The following PCDH7 variants were observed in gnomAD, a reference collection of about 807,000 sequenced individuals.
PCDH7 encodes protocadherin 7, also known as protocadherin-7.
Under a neutral mutation model 58.9 loss-of-function variants are expected in PCDH7, and 17 were observed. That is an observed-to-expected ratio of 0.29 (90% CI 0.20 to 0.43). The LOEUF is 0.43. PCDH7 is among the 20% of genes least tolerant of loss of function. PCDH7 has a pLI of 1.00. For synonymous variants in PCDH7, 664 were observed against 616.4 expected, an observed-to-expected ratio of 1.08 and a Z score of -1.14; for missense variants, 1,274 against 1,441.0, an observed-to-expected ratio of 0.88 and a Z score of 1.88.
chr4:31,014,728 T>A (rs1013339460), intron 3 of PCDH7, among the ~76,000 whole-genome samples: 2 of 152,196 alleles, frequency 1.3e-5, no homozygotes, highest in African/African-American at 2.4e-5. Flanking sequence ...AATAATGTAC[T>A]TTTCTTAAAT....
chr4:30,727,174 A>G (rs2109232766), intron 1 of PCDH7, among the ~76,000 whole-genome samples: 1 of 151,988 alleles, frequency 6.6e-6, no homozygotes, highest in East Asian at 1.9e-4. Context: ...TTTTACATTC[A>G]TTTTATTTAT....
chr4:30,888,867 C>A (rs1738203166), intron 1 of PCDH7, among the ~76,000 whole-genome samples: 1 of 149,170 alleles, frequency 6.7e-6, no homozygotes, highest in African/African-American at 2.5e-5. Context: ...CATAGTAAAA[C>A]AAGTTTGTTA....
intron 3 of PCDH7, among the ~76,000 whole-genome samples, chr4:31,000,285 CT>C (rs1283486216): frequency 6.6e-6 from 1 of 152,018 alleles, no homozygotes; most frequent in Non-Finnish European, 1.5e-5. Context: ...GCTAGAAGAA[CT>C]TTTTTCATAT....
intron 1 of PCDH7, among the ~76,000 whole-genome samples, chr4:30,805,041 C>A (rs1246809612): frequency 6.6e-6 from 1 of 152,132 alleles, no homozygotes; most frequent in Non-Finnish European, 1.5e-5. Flanking sequence ...TTTTCTAAAT[C>A]TTGTCATTTG....
At chr4:31,095,750 A>G (rs1215077712) in intron 3 of PCDH7, among the ~76,000 whole-genome samples, 1 of 152,110 alleles carries the variant, frequency 6.6e-6, no homozygotes, top group East Asian at 1.9e-4. Context: ...AAAAATTAAG[A>G]AGTTCTATTC....
At chr4:30,727,302 C>G (rs947449943) in intron 1 of PCDH7, among the ~76,000 whole-genome samples, 8 of 151,882 alleles carry the variant, frequency 5.3e-5, no homozygotes, top group Middle Eastern at 3.4e-3. Flanking sequence ...AACCTAAGTC[C>G]TGTTGTTTTC....
chr4:30,852,766 A>G (rs1011678335), intron 1 of PCDH7, among the ~76,000 whole-genome samples: 1 of 144,402 alleles, frequency 6.9e-6, no homozygotes, highest in African/African-American at 2.6e-5. Context: ...AGGTTAAGCA[A>G]TTGGTAGAAA....
At chr4:31,092,950 G>A (rs1241635706) in intron 3 of PCDH7, among the ~76,000 whole-genome samples, 1 of 151,998 alleles carries the variant, frequency 6.6e-6, no homozygotes, top group Non-Finnish European at 1.5e-5. Context: ...CGAAAATATT[G>A]CATTCTGTCA....
rs761742098 is a variant in PCDH7 at position 30,799,956 on chromosome 4, C to T, written c.70+75360C>T. 7.9e-5 allele frequency among the ~76,000 whole-genome samples: 12 copies of T among 151,756 alleles called. No individual in the cohort carries two copies. In the South Asian group the frequency reaches 1.0e-3, roughly 13 times the overall value. On this transcript the variant is annotated intron_variant, in intron 1 of 3. Transcript: ENST00000509759. The stretch of plus-strand genomic sequence containing the variant: ...GCAACCTCCACCTGCCAGGTCCATG[C>T]GATTCTTCCGCCTCAGCCTCCTGAG...
At chr4:31,056,641 A>G (rs1757276942) in intron 3 of PCDH7, among the ~76,000 whole-genome samples, 1 of 148,434 alleles carries the variant, frequency 6.7e-6, no homozygotes, top group African/African-American at 2.5e-5. Context: ...GAGAGGAGAG[A>G]GAGAGAGAAA....
intron 3 of PCDH7, among the ~76,000 whole-genome samples, chr4:31,008,561 G>C (rs932907614): frequency 1.3e-5 from 2 of 151,944 alleles, no homozygotes; most frequent in Admixed American, 1.3e-4. Flanking sequence ...GAATATTAGT[G>C]TTTCTTTCTC....
At chr4:31,063,249 T>A (rs1342035001) in intron 3 of PCDH7, among the ~76,000 whole-genome samples, 1 of 151,880 alleles carries the variant, frequency 6.6e-6, no homozygotes, top group African/African-American at 2.4e-5. Context: ...GCCCTTTCCA[T>A]CAAAAAGCTT....
chr4:30,744,401 A>G (rs755691197), intron 1 of PCDH7, among the ~76,000 whole-genome samples: 3 of 152,214 alleles, frequency 2.0e-5, no homozygotes, highest in Non-Finnish European at 2.9e-5. Flanking sequence ...AGGTGGGACC[A>G]TAAGTAAGAC....
At chr4:31,115,670 G>A (rs1356089299) in intron 3 of PCDH7, among the ~76,000 whole-genome samples, 1 of 152,062 alleles carries the variant, frequency 6.6e-6, no homozygotes, top group East Asian at 1.9e-4. Flanking sequence ...ACATAACTAG[G>A]AAAAGAATTC....
intron 3 of PCDH7, among the ~76,000 whole-genome samples, chr4:31,038,818 T>G (rs1755619060): frequency 6.6e-6 from 1 of 152,196 alleles, no homozygotes; most frequent in East Asian, 1.9e-4. Flanking sequence ...TATTTATCAA[T>G]GCTCTTACCT....
intron 3 of PCDH7, among the ~76,000 whole-genome samples, chr4:31,086,578 G>A (rs1225315126): frequency 6.6e-6 from 1 of 152,142 alleles, no homozygotes; most frequent in East Asian, 1.9e-4. Context: ...TATGTACAGA[G>A]AAAAGTAGTA....
intron 3 of PCDH7, among the ~76,000 whole-genome samples, chr4:31,000,170 T>C (rs909745345): frequency 2.0e-5 from 3 of 152,094 alleles, no homozygotes; most frequent in South Asian, 2.1e-4. Context: ...AGCTTTGCAA[T>C]TGAGAAGGCT....
intron 1 of PCDH7, among the ~76,000 whole-genome samples, chr4:30,838,333 T>G (rs1730773792): frequency 6.6e-6 from 1 of 152,112 alleles, no homozygotes; most frequent in Non-Finnish European, 1.5e-5. Flanking sequence ...TTATTTTAAC[T>G]CAATGACTAG....
At chr4:30,949,513 C>T (rs769921125) in intron 2 of PCDH7, among the ~76,000 whole-genome samples, 1 of 152,018 alleles carries the variant, frequency 6.6e-6, no homozygotes, top group East Asian at 1.9e-4. Flanking sequence ...CAGATTAAAC[C>T]ATGTCCACAA....
Sources: gnomAD v4.1 joint callset for allele counts (sites outside exome capture counted in the v4.1 genomes callset) on GRCh38, gnomAD v4.1.1 for gene constraint, MANE v1.5 for transcripts, NCBI Gene and HGNC (gene_info 2026-07-23, HGNC 2026-07-21) for gene names.